HECW1: variants seen among roughly 807,000 people sequenced by gnomAD.
The protein encoded by HECW1 is HECT, C2 and WW domain containing E3 ubiquitin protein ligase 1, also known as E3 ubiquitin-protein ligase HECW1.
Under a neutral mutation model 182.3 loss-of-function variants are expected in HECW1, and 61 were observed. The observed-to-expected ratio is 0.33, with a 90% CI of 0.27 to 0.41. HECW1 has a LOEUF of 0.41. Ranked by LOEUF, HECW1 falls within the 10% of genes least tolerant of loss-of-function variation. The pLI, the probability that HECW1 is intolerant of heterozygous loss-of-function variation, is 1.00. For synonymous variants in HECW1, 859 were observed against 832.6 expected (o/e 1.03, Z -0.55); for missense variants, 1,739 against 2,108.9 (o/e 0.82, Z 3.44).
At chr7:43,130,356 G>T (rs1309763988) in intron 2 of HECW1, among the ~76,000 whole-genome samples, 1 of 152,050 alleles carries the variant, frequency 6.6e-6, no homozygotes, top group African/African-American at 2.4e-5. Context: ...TACGCCTTAT[G>T]CACATATCCT....
intron 8 of HECW1, among the ~76,000 whole-genome samples, chr7:43,427,227 A>T (rs897829909): frequency 6.6e-6 from 1 of 152,208 alleles, no homozygotes; most frequent in African/African-American, 2.4e-5. Flanking sequence ...GATCAATATA[A>T]TGTCAGTCAA....
chr7:43,440,033 G>GC (rs1201439586), intron 9 of HECW1: 1 of 152,424 alleles, frequency 6.6e-6, no homozygotes, highest in East Asian at 1.9e-4. Flanking sequence ...TGCTTCCACA[G>GC]CCCCTGGGGG....
chr7:43,524,530 A>G (rs981926966), intron 24 of HECW1, among the ~76,000 whole-genome samples: 1 of 152,266 alleles, frequency 6.6e-6, no homozygotes, highest in Non-Finnish European at 1.5e-5. Flanking sequence ...TAAAAATGTA[A>G]TAGAACTTAG....
chr7:43,137,528 T>TTTTA (rs368972324), intron 2 of HECW1, among the ~76,000 whole-genome samples: 30,784 of 146,612 alleles, frequency 0.21, 3,417 homozygotes, highest in East Asian at 0.31. Flanking sequence ...TTCTGCCTTC[T>TTTTA]TTTATTTATT....
At chr7:43,246,236 C>T (rs1799370023) in intron 3 of HECW1, among the ~76,000 whole-genome samples, 1 of 152,072 alleles carries the variant, frequency 6.6e-6, no homozygotes, top group African/African-American at 2.4e-5. Context: ...CCAGGAGTTC[C>T]AGGCTACAGT....
intron 2 of HECW1, among the ~76,000 whole-genome samples, chr7:43,153,685 A>G (rs960989613): frequency 1.2e-3 from 185 of 152,264 alleles, no homozygotes; most frequent in African/African-American, 4.1e-3. Flanking sequence ...CAATTTACTT[A>G]GTTGTCCAGA....
chr7:43,297,199 C>G (rs1407188940), intron 3 of HECW1, among the ~76,000 whole-genome samples: 1 of 152,182 alleles, frequency 6.6e-6, no homozygotes. Context: ...GCTTTACAAA[C>G]AATAGATATT....
rs183766791 is a variant in HECW1, at chr7:43,387,637, A to G, written c.556-9177A>G. 2.0e-3 allele frequency among the ~76,000 whole-genome samples: 310 copies of G among 152,300 alleles called. 1 individual carries two copies. The highest frequency in any genetic ancestry group is 7.0e-3 in the African/African-American group (293 of 41,570). On this transcript the variant is annotated intron_variant, in intron 6 of 29. Coordinates refer to ENST00000395891, the MANE Select transcript of HECW1 (RefSeq NM_015052.5). ...ACTCATAGGTGTTAGACACAGACCA[A>G]TGCTTTTTGTTGGTTTTCAGCTTAT...
chr7:43,291,629 A>G (rs1040445922), intron 3 of HECW1, among the ~76,000 whole-genome samples: 9 of 151,918 alleles, frequency 5.9e-5, no homozygotes, highest in Admixed American at 3.3e-4. Context: ...TCTAACACTT[A>G]CGATTTATTC....
chr7:43,254,307 T>G (rs529632425), intron 3 of HECW1, among the ~76,000 whole-genome samples: 1 of 152,278 alleles, frequency 6.6e-6, no homozygotes, highest in South Asian at 2.1e-4. Flanking sequence ...GAAGCCCCAC[T>G]TAAGTGAAAA....
chr7:43,401,211 A>G (rs1401904217), intron 7 of HECW1, among the ~76,000 whole-genome samples: 1 of 152,222 alleles, frequency 6.6e-6, no homozygotes, highest in Non-Finnish European at 1.5e-5. Flanking sequence ...ATAAACTCTA[A>G]AAAGTACAAT....
intron 3 of HECW1, chr7:43,274,471 C>G: frequency 1.6e-6 from 1 of 623,242 alleles, no homozygotes. Context: ...CACCATGGGC[C>G]GGCACCGCAC....
intron 3 of HECW1, among the ~76,000 whole-genome samples, chr7:43,299,381 C>T (rs545259696): frequency 6.6e-5 from 10 of 152,232 alleles, no homozygotes; most frequent in Middle Eastern, 3.4e-3. Flanking sequence ...GAGATGGTCA[C>T]GGGCATCTAA....
intron 19 of HECW1, among the ~76,000 whole-genome samples, chr7:43,496,007 AC>A (rs1275163109): frequency 6.6e-6 from 1 of 152,086 alleles, no homozygotes; most frequent in Admixed American, 6.6e-5. Flanking sequence ...GTAATTCCCT[AC>A]ATAAGTGAGT....
intron 19 of HECW1, among the ~76,000 whole-genome samples, chr7:43,500,170 A>G (rs56999151): frequency 0.013 from 1,953 of 149,984 alleles, 51 homozygotes; most frequent in African/African-American, 0.045. Flanking sequence ...GCACGATCTC[A>G]GTTCACTGCA....
intron 2 of HECW1, among the ~76,000 whole-genome samples, chr7:43,190,794 C>T (rs1793845230): frequency 6.6e-6 from 1 of 152,210 alleles, no homozygotes; most frequent in Admixed American, 6.5e-5. Context: ...TATTCAAGGC[C>T]TCTAAGTTCA....
chr7:43,170,812 T>G (rs1791609088), intron 2 of HECW1, among the ~76,000 whole-genome samples: 1 of 151,756 alleles, frequency 6.6e-6, no homozygotes, highest in South Asian at 2.1e-4. Context: ...GGGGATAGAG[T>G]GAGTACATAG....
intron 8 of HECW1, among the ~76,000 whole-genome samples, chr7:43,414,197 A>G (rs1367662012): frequency 6.6e-6 from 1 of 150,726 alleles, no homozygotes; most frequent in African/African-American, 2.4e-5. Flanking sequence ...ATTCCTAGGT[A>G]TTTTATTCTC....
rs765678441 is a variant in HECW1 at position 43,407,554 on chromosome 7, T to C, written c.632-8T>C. 4 of 1,598,700 alleles carry C rather than the reference T, an allele frequency of 2.5e-6. No homozygotes were observed. Among genetic ancestry groups the C allele is most frequent in the Non-Finnish European group, 3.4e-6 (4 of 1,168,388 alleles). On this transcript the variant is annotated splice_region_variant and splice_polypyrimidine_tract_variant and intron_variant, in intron 7 of 29. Coordinates refer to ENST00000395891, the MANE Select transcript of HECW1 (RefSeq NM_015052.5). ...CATATTTAAATTAAAGTATCCTTTATTTTATAGATTTCCAAGCCATGGGGT... is the reference window on the plus strand; with the variant it reads ...CATATTTAAATTAAAGTATCCTTTACTTTATAGATTTCCAAGCCATGGGGT...
Sources: gnomAD v4.1 joint callset for allele counts (sites outside exome capture counted in the v4.1 genomes callset) on GRCh38, gnomAD v4.1.1 for gene constraint, MANE v1.5 for transcripts, NCBI Gene and HGNC (gene_info 2026-07-23, HGNC 2026-07-21) for gene names.